Variants in CEP192 observed in about 807,000 individuals in gnomAD.
The protein encoded by CEP192 is centrosomal protein of 192 kDa.
A neutral mutation model predicts 271.8 loss-of-function variants in CEP192; 151 were observed. That is an observed-to-expected ratio of 0.56 (90% CI 0.49 to 0.64). CEP192 has a LOEUF of 0.64. Ranked by LOEUF, CEP192 falls within the 30% of genes least tolerant of loss-of-function variation. The probability of loss-of-function intolerance (pLI) is 0.00; values close to 1 mark genes in which losing one functional copy is unlikely to be tolerated. For synonymous variants in CEP192, 995 were observed against 1,076.5 expected, an observed-to-expected ratio of 0.92 and a Z score of 1.48; for missense variants, 2,910 against 3,020.5, an observed-to-expected ratio of 0.96 and a Z score of 0.86.
intron 42 of CEP192, among the ~76,000 whole-genome samples, chr18:13,115,276 C>T (rs1462055033): frequency 1.3e-5 from 2 of 152,124 alleles, no homozygotes; most frequent in Non-Finnish European, 2.9e-5. Context: ...GGGAAACAAA[C>T]GAGAAACTGG....
At position 13,115,522 on chromosome 18, in the gene CEP192, G is replaced by A. The variant is rs777749889; in HGVS notation, c.7290-855G>A. On this transcript the variant is annotated intron_variant, in intron 42 of 44. Transcript: ENST00000506447. Reference sequence around the variant, plus strand: ...GGGAGTGACATGATCAGGTATGCGTGTGTAGGACAATCCCCTAGCTGTGGT... The same window carrying A: ...GGGAGTGACATGATCAGGTATGCGTATGTAGGACAATCCCCTAGCTGTGGT... 7.5e-4 allele frequency among the ~76,000 whole-genome samples: 114 copies of A among 152,236 alleles called. No homozygotes were observed. The Middle Eastern group carries it at 0.014, about 18-fold the overall frequency.
intron 2 of CEP192, among the ~76,000 whole-genome samples, chr18:13,000,845 C>T (rs1451750928): frequency 1.3e-5 from 2 of 152,158 alleles, no homozygotes; most frequent in East Asian, 3.9e-4. Flanking sequence ...CCCAGCTACT[C>T]GGGAGGCTGA....
At chr18:12,996,378 G>C (rs2033239764) in intron 1 of CEP192, among the ~76,000 whole-genome samples, 1 of 151,954 alleles carries the variant, frequency 6.6e-6, no homozygotes, top group Non-Finnish European at 1.5e-5. Flanking sequence ...TTCGCTGGTG[G>C]GGAAGGCTGA....
At chr18:13,086,156 G>A (rs2038887342) in intron 30 of CEP192, among the ~76,000 whole-genome samples, 1 of 152,118 alleles carries the variant, frequency 6.6e-6, no homozygotes, top group Admixed American at 6.5e-5. Context: ...ATTGTGAATG[G>A]GAGTTTACTC....
intron 28 of CEP192, among the ~76,000 whole-genome samples, chr18:13,071,663 G>T (rs778743644): frequency 6.6e-6 from 1 of 152,198 alleles, no homozygotes; most frequent in Non-Finnish European, 1.5e-5. Context: ...ATGGAGCACC[G>T]AAGGGAGAGG....
chr18:13,100,459 A>T lies in CEP192; in HGVS notation c.6818A>T (p.Glu2273Val), dbSNP rs1353705834. ...ACAAAACCGCCTTCCACAAAAGTTGAAATAAGAAACAAGAGTATTACTTTT... is the reference window on the plus strand; with the variant it reads ...ACAAAACCGCCTTCCACAAAAGTTGTAATAAGAAACAAGAGTATTACTTTT... ...PMTKPPSTKVEIRNKSITFPT... is the reference protein window; with the variant it reads ...PMTKPPSTKVVIRNKSITFPT... Residue 2273 changes from glutamate (E) to valine (V), a missense_variant, in exon 38 of 45, where the codon GAA becomes GTA. Glu to Val is a moderately radical substitution (Grantham distance 121). Transcript: ENST00000506447. The T allele has an allele frequency of 1.2e-6, 2 of 1,614,138 alleles. No individual in the cohort carries two copies. The highest frequency in any genetic ancestry group is 1.7e-6 in the Non-Finnish European group (2 of 1,180,006).
At chr18:13,088,438 C>CATAA (rs1207611199) in intron 32 of CEP192, among the ~76,000 whole-genome samples, 12 of 152,122 alleles carry the variant, frequency 7.9e-5, no homozygotes, top group Non-Finnish European at 1.5e-4. Flanking sequence ...AGACCTCTCT[C>CATAA]ATAAATAAAT....
Position 13,056,167 on chromosome 18 carries a change from A to G in CEP192, c.3577A>G (p.Ile1193Val), listed in dbSNP as rs750185500. 3 of 1,613,924 alleles carry G rather than the reference A, an allele frequency of 1.9e-6. No homozygotes were observed. Among genetic ancestry groups the G allele is most frequent in the Admixed American group, 1.7e-5 (1 of 60,008 alleles). Residue 1193 changes from isoleucine (I) to valine (V), a missense_variant, in exon 19 of 45, where the codon ATA becomes GTA. Transcript: ENST00000506447. Reference sequence around the variant, plus strand: ...ACACCCTGTGTCCTGCCAGGAGCCTATAGATGAAGATCAAAGAATAAGTCC... The same window carrying G: ...ACACCCTGTGTCCTGCCAGGAGCCTGTAGATGAAGATCAAAGAATAAGTCC... ...TSHPVSCQEP[I>V]DEDQRISPKD...
At chr18:13,005,610 A>T (rs1342669420) in intron 3 of CEP192, among the ~76,000 whole-genome samples, 1 of 152,158 alleles carries the variant, frequency 6.6e-6, no homozygotes, top group Non-Finnish European at 1.5e-5. Flanking sequence ...TCTTAGACTC[A>T]GTGCCTGGGG....
chr18:13,080,234 G>A (rs1254893818), intron 30 of CEP192, among the ~76,000 whole-genome samples: 1 of 152,114 alleles, frequency 6.6e-6, no homozygotes, highest in Non-Finnish European at 1.5e-5. Context: ...GGGCAGTGTG[G>A]CCATTTTCAC....
chr18:13,116,239 C>T (rs900405272), intron 42 of CEP192, 138 bp from the exon 43 acceptor site: 2 of 847,596 alleles, frequency 2.4e-6, no homozygotes, highest in East Asian at 2.8e-5. Flanking sequence ...GATAAGTCGT[C>T]ATTACAAAAC....
chr18:13,117,532 G>T, intron 43 of CEP192, 53 bp from the exon 44 acceptor site: 2 of 1,332,980 alleles, frequency 1.5e-6, no homozygotes, highest in African/African-American at 1.4e-5. Flanking sequence ...GCTTATATAT[G>T]CTAAAAGATC....
At chr18:13,104,901 G>A (rs79944400) in intron 39 of CEP192, 83 bp from the exon 40 acceptor site, 41,170 of 1,024,230 alleles carry the variant, frequency 0.04, 977 homozygotes, top group Middle Eastern at 0.076. Context: ...TGTGTTCTCC[G>A]CAGCCATAGA....
At chr18:13,069,630 AAAC>A in intron 26 of CEP192, 105 bp from the exon 27 acceptor site, 1 of 699,404 alleles carries the variant, frequency 1.4e-6, no homozygotes, top group Non-Finnish European at 2.5e-6. Context: ...AGAAGGGGAC[AAAC>A]AACCTGTCCT....
intron 11 of CEP192, among the ~76,000 whole-genome samples, chr18:13,031,911 G>T (rs2035653054): frequency 6.6e-6 from 1 of 152,226 alleles, no homozygotes; most frequent in Non-Finnish European, 1.5e-5. Context: ...AAAGGAATGA[G>T]ATGGTGAAGT....
At chr18:13,098,807 A>C (rs1416665841) in intron 36 of CEP192, among the ~76,000 whole-genome samples, 1 of 152,286 alleles carries the variant, frequency 6.6e-6, no homozygotes, top group East Asian at 1.9e-4. Flanking sequence ...CAGTCTCGGC[A>C]CTTTGAGAGG....
chr18:13,101,693 G>T (rs542124827), intron 38 of CEP192, among the ~76,000 whole-genome samples: 1 of 151,998 alleles, frequency 6.6e-6, no homozygotes, highest in East Asian at 1.9e-4. Context: ...CTCCCTCCTG[G>T]ACCTTGTTGT....
intron 30 of CEP192, among the ~76,000 whole-genome samples, chr18:13,082,283 G>A (rs2038653692): frequency 6.6e-6 from 1 of 152,058 alleles, no homozygotes; most frequent in African/African-American, 2.4e-5. Flanking sequence ...ACGAATCTGG[G>A]TGCTCCTGTA....
intron 44 of CEP192, among the ~76,000 whole-genome samples, chr18:13,122,411 A>C (rs148069220): frequency 6.6e-6 from 1 of 150,442 alleles, no homozygotes; most frequent in South Asian, 2.1e-4. Context: ...AAAGAGCGAG[A>C]CACCGTCTCA....
Sources: allele counts gnomAD v4.1 joint callset (sites outside exome capture counted in the v4.1 genomes callset), GRCh38; gene constraint gnomAD v4.1.1; transcripts MANE v1.5; gene names NCBI Gene and HGNC (gene_info 2026-07-23, HGNC 2026-07-21).